The following IGF1R variants were observed in gnomAD, a reference collection of about 807,000 sequenced individuals.
The protein encoded by IGF1R is insulin like growth factor 1 receptor.
A neutral mutation model predicts 144.6 loss-of-function variants in IGF1R; 44 were observed. The ratio of observed to expected loss-of-function variants is 0.30; its 90% CI spans 0.24 to 0.39. IGF1R has a LOEUF of 0.39. IGF1R is among the 10% of genes least tolerant of loss of function. The pLI is 1.00. For synonymous variants in IGF1R, 795 were observed against 722.8 expected (o/e 1.10, Z -1.60); for missense variants, 1,355 against 1,833.7 (o/e 0.74, Z 4.77).
intron 2 of IGF1R, among the ~76,000 whole-genome samples, chr15:98,793,847 T>C (rs2056180425): frequency 6.6e-6 from 1 of 152,212 alleles, no homozygotes; most frequent in South Asian, 2.1e-4. Context: ...CCTGGAATCT[T>C]TGAGACCCTT....
intron 2 of IGF1R, among the ~76,000 whole-genome samples, chr15:98,825,709 G>A (rs377188037): frequency 2.0e-5 from 3 of 152,318 alleles, no homozygotes; most frequent in African/African-American, 7.2e-5. Context: ...CACTACGTTA[G>A]ACCATCTGTA....
intron 1 of IGF1R, among the ~76,000 whole-genome samples, chr15:98,680,847 G>A (rs2053168504): frequency 6.7e-6 from 1 of 148,228 alleles, no homozygotes; most frequent in South Asian, 2.1e-4. Context: ...TTATAGGTGT[G>A]AGCCTGGCCA....
At chr15:98,921,519 T>C (rs992370546) in intron 10 of IGF1R, among the ~76,000 whole-genome samples, 9 of 152,086 alleles carry the variant, frequency 5.9e-5, no homozygotes, top group African/African-American at 2.2e-4. Context: ...CTGGGTGGGC[T>C]CCAGGGACCT....
intron 2 of IGF1R, among the ~76,000 whole-genome samples, chr15:98,799,994 C>A (rs556280321): frequency 3.9e-4 from 59 of 152,242 alleles, no homozygotes; most frequent in East Asian, 2.9e-3. Context: ...TTATGTAATT[C>A]TTGTATTAAA....
At chr15:98,689,169 G>C (rs1412058846) in intron 1 of IGF1R, among the ~76,000 whole-genome samples, 3 of 151,136 alleles carry the variant, frequency 2.0e-5, no homozygotes, top group Non-Finnish European at 2.9e-5. Flanking sequence ...GATTTTTTTT[G>C]GTTGCTTGGT....
chr15:98,904,097 G>A (rs2014612841), intron 5 of IGF1R, among the ~76,000 whole-genome samples: 1 of 146,934 alleles, frequency 6.8e-6, no homozygotes, highest in African/African-American at 2.5e-5. Flanking sequence ...CTGTCACCCA[G>A]GCTGCAGTGC....
Position 98,960,634 on chromosome 15 carries a change from C to T in IGF1R, c.*3192C>T, listed in dbSNP as rs549132136. 603 of 233,422 alleles carry T rather than the reference C, an allele frequency of 2.6e-3. 1 individual carries two copies. The highest frequency in any genetic ancestry group is 8.3e-3 in the African/African-American group (377 of 45,444). The allele number at this position is 233,422 out of a possible 1,614,324, so 14.5% of individuals were successfully genotyped here. A position where few individuals can be genotyped will look rare whatever the true frequency, so the allele number is the denominator to read the frequency against. On this transcript the variant is annotated 3_prime_UTR_variant, in exon 21 of 21. Coordinates refer to ENST00000650285, the MANE Select transcript of IGF1R (RefSeq NM_000875.5). ...CAGGAGGCTCGCGCTGAGGCAGGAC[C>T]GTGCGGCCATGGCTGCTGCATTCAT...
At position 98,963,661 on chromosome 15, in the gene IGF1R, G is replaced by A. The variant is rs759768468; in HGVS notation, c.*6219G>A. Reference sequence around the variant, plus strand: ...CAGCATACACAGTGATCACATAAACGATGACAGCTATGGGGCACACAGGCC... The same window carrying A: ...CAGCATACACAGTGATCACATAAACAATGACAGCTATGGGGCACACAGGCC... On this transcript the variant is annotated 3_prime_UTR_variant, in exon 21 of 21. Transcript: ENST00000650285. 1.7e-5 allele frequency: 4 copies of A among 233,152 alleles called. No individual in the cohort carries two copies. Among genetic ancestry groups the A allele is most frequent in the African/African-American group, 4.4e-5 (2 of 45,338 alleles). 14.4% of individuals were successfully genotyped at this position (233,152 alleles called of 1,614,324 possible). A position where few individuals can be genotyped will look rare whatever the true frequency, so the allele number is the denominator to read the frequency against.
chr15:98,688,363 T>TC (rs1474094442), intron 1 of IGF1R, among the ~76,000 whole-genome samples: 7 of 142,500 alleles, frequency 4.9e-5, no homozygotes, highest in Non-Finnish European at 1.1e-4. Context: ...ACACTCTCTC[T>TC]CCCCCGCTCC....
chr15:98,836,017 T>C (rs893900888), intron 2 of IGF1R, among the ~76,000 whole-genome samples: 1 of 152,212 alleles, frequency 6.6e-6, no homozygotes, highest in Non-Finnish European at 1.5e-5. Flanking sequence ...TCTTCATTCA[T>C]GTTCTTCCAT....
intron 1 of IGF1R, among the ~76,000 whole-genome samples, chr15:98,697,047 A>G (rs1428296258): frequency 2.6e-5 from 4 of 152,190 alleles, no homozygotes; most frequent in Non-Finnish European, 4.4e-5. Flanking sequence ...GTTAGAGCAG[A>G]AGAGTAAATG....
intron 2 of IGF1R, among the ~76,000 whole-genome samples, chr15:98,801,396 G>A (rs1413855713): frequency 3.3e-5 from 5 of 152,202 alleles, no homozygotes; most frequent in African/African-American, 1.2e-4. Context: ...CAAAGAGAGC[G>A]GGCATTGTCT....
chr15:98,896,863 AC>A lies in IGF1R; in HGVS notation c.1062del (p.Ile355SerfsTer30). On this transcript the variant is annotated frameshift_variant, in exon 4 of 21. Transcript: ENST00000650285. LOFTEE classifies it high-confidence loss of function. ...VTSAQMLQGC[T>X]IFKGNLLINI... ...TTCTGCTCAGATGCTCCAAGGATGC[AC>A]CATCTTCAAGGGCAATTTGCTCATT... 6.2e-7 allele frequency: 1 copy of A among 1,614,148 alleles called. No individual in the cohort carries two copies. Among genetic ancestry groups the A allele is most frequent in the Non-Finnish European group, 8.5e-7 (1 of 1,180,002 alleles).
chr15:98,914,745 A>C lies in IGF1R; in HGVS notation c.1829-1219A>C, dbSNP rs777626051. ...AAACCAGGCACTGTACCAATGAGTC[A>C]GTTCACTACGTTTTGTCCTCTGTCC... On this transcript the variant is annotated intron_variant, in intron 8 of 20. Coordinates refer to ENST00000650285, the MANE Select transcript of IGF1R (RefSeq NM_000875.5). Among the ~76,000 whole-genome samples the C allele has an allele frequency of 5.9e-5, 9 of 152,304 alleles. No homozygotes were observed. The South Asian group carries it at 1.0e-3, about 18-fold the overall frequency.
rs1041790839 is a variant in IGF1R, at chr15:98,958,709, AAGCT to A, written c.*1268_*1271del. 6.5e-5 allele frequency: 15 copies of A among 232,190 alleles called. No individual in the cohort carries two copies. Among genetic ancestry groups the A allele is most frequent in the South Asian group, 5.4e-4 (3 of 5,512 alleles). 14.4% of individuals were successfully genotyped at this position (232,190 alleles called of 1,614,324 possible). Reference sequence around the variant, plus strand: ...TCTATACGTCTGTACAGAAAAAAAAAAGCTGCTATTTTTTTTGTTCTTGATCTTT... The same window carrying A: ...TCTATACGTCTGTACAGAAAAAAAAAGCTATTTTTTTTGTTCTTGATCTTT... On this transcript the variant is annotated 3_prime_UTR_variant, in exon 21 of 21. Coordinates refer to ENST00000650285, the MANE Select transcript of IGF1R (RefSeq NM_000875.5).
At chr15:98,876,697 T>G (rs1325011873) in intron 2 of IGF1R, among the ~76,000 whole-genome samples, 1 of 152,236 alleles carries the variant, frequency 6.6e-6, no homozygotes, top group African/African-American at 2.4e-5. Flanking sequence ...TTTTGAATCA[T>G]CAGATAGATT....
intron 7 of IGF1R, 148 bp downstream of exon 7, chr15:98,911,589 C>A: frequency 9.9e-7 from 1 of 1,013,084 alleles, no homozygotes; most frequent in Non-Finnish European, 1.5e-6. Flanking sequence ...ACTTCATCCT[C>A]ATGCACCCTC....
At chr15:98,809,856 T>G (rs1294400310) in intron 2 of IGF1R, among the ~76,000 whole-genome samples, 1 of 152,084 alleles carries the variant, frequency 6.6e-6, no homozygotes, top group Admixed American at 6.5e-5. Flanking sequence ...GTTCCACGTA[T>G]TGTGTTCTGA....
At chr15:98,907,114 CTGCGCA>C (rs1395649324) in intron 5 of IGF1R, among the ~76,000 whole-genome samples, 1 of 152,244 alleles carries the variant, frequency 6.6e-6, no homozygotes, top group African/African-American at 2.4e-5. Context: ...ACTAAGGGAT[CTGCGCA>C]TGGCTGTGCA....
Sources: allele counts gnomAD v4.1 joint callset (sites outside exome capture counted in the v4.1 genomes callset), GRCh38; gene constraint gnomAD v4.1.1; transcripts MANE v1.5; gene names NCBI Gene and HGNC (gene_info 2026-07-23, HGNC 2026-07-21).